PPP3CC: variants seen among roughly 807,000 people sequenced by gnomAD.
PPP3CC encodes the protein protein phosphatase 3 catalytic subunit gamma.
PPP3CC carries 35 observed loss-of-function variants against 60.3 expected under a neutral mutation model. That is an observed-to-expected ratio of 0.58 (90% CI 0.44 to 0.77). The LOEUF (loss-of-function observed/expected upper bound fraction) is 0.77. Among genes scored for constraint, PPP3CC ranks in the 30% least tolerant of loss-of-function variants. The pLI, the probability that PPP3CC is intolerant of heterozygous loss-of-function variation, is 0.00. For missense variants in PPP3CC, 570 were observed against 628.9 expected (o/e 0.91, Z 1.00); for synonymous variants, 206 against 224.3 (o/e 0.92, Z 0.73).
chr8:22,494,628 A>G (rs1838509509), intron 3 of PPP3CC, among the ~76,000 whole-genome samples: 1 of 152,208 alleles, frequency 6.6e-6, no homozygotes, highest in African/African-American at 2.4e-5. Flanking sequence ...TGTAAACTCA[A>G]AATCAATACA....
At chr8:22,525,546 C>CTTTCTT (rs1839534584) in intron 8 of PPP3CC, among the ~76,000 whole-genome samples, 1 of 121,238 alleles carries the variant, frequency 8.2e-6, no homozygotes, top group Non-Finnish European at 1.9e-5. Context: ...TTCTCTCCCT[C>CTTTCTT]TCTCTCTCTC....
At chr8:22,530,829 C>CAAACAAAAAAAAAAAAAAA (rs1839691242) in intron 10 of PPP3CC, among the ~76,000 whole-genome samples, 1 of 58,036 alleles carries the variant, frequency 1.7e-5, no homozygotes, top group African/African-American at 5.2e-5. Flanking sequence ...AGACTCATCT[C>CAAACAAAAAAAAAAAAAAA]AAAAAAAAAA....
In PPP3CC at chr8:22,449,698, G is replaced by T. The variant is rs1399843368; in HGVS notation, c.49+8240G>T. Among the ~76,000 whole-genome samples, 3 of 151,858 alleles carry T rather than the reference G, an allele frequency of 2.0e-5. No homozygotes were observed. In the East Asian group the frequency reaches 5.8e-4, roughly 29 times the overall value. ...AGAAGTCAGTATGGAGAAAGAAAAG[G>T]TACTTAACTAAGAAGTAGAGAGAAG... On this transcript the variant is annotated intron_variant, in intron 1 of 13. Coordinates refer to ENST00000240139, the MANE Select transcript of PPP3CC (RefSeq NM_005605.5).
chr8:22,479,848 A>G (rs1185425140), intron 3 of PPP3CC, among the ~76,000 whole-genome samples: 1 of 152,102 alleles, frequency 6.6e-6, no homozygotes, highest in Non-Finnish European at 1.5e-5. Flanking sequence ...GTTAGGTTTT[A>G]TGAGAAAGAA....
chr8:22,444,894 A>G (rs1836778268), intron 1 of PPP3CC, among the ~76,000 whole-genome samples: 1 of 151,994 alleles, frequency 6.6e-6, no homozygotes, highest in Non-Finnish European at 1.5e-5. Flanking sequence ...CTGTTTAAGG[A>G]CATGTTTTTT....
In PPP3CC at chr8:22,540,900, C is replaced by T. The variant is rs942114000; in HGVS notation, c.*98C>T. 6 of 1,137,938 alleles carry T rather than the reference C, an allele frequency of 5.3e-6. No homozygotes were observed. The highest frequency in any genetic ancestry group is 1.6e-5 in the African/African-American group (1 of 63,286). The allele number at this position is 1,137,938 out of a possible 1,614,324, so 70.5% of individuals were successfully genotyped here. A position where few individuals can be genotyped will look rare whatever the true frequency, so the allele number is the denominator to read the frequency against. The stretch of plus-strand genomic sequence containing the variant: ...GAAAAGCAACTCAAAACAACTTCAA[C>T]GTGGAGGTGCATTTATAATTCAGTC... On this transcript the variant is annotated 3_prime_UTR_variant, in exon 14 of 14. Transcript: ENST00000240139.
chr8:22,476,680 C>A (rs979012786), intron 3 of PPP3CC, among the ~76,000 whole-genome samples: 1 of 152,118 alleles, frequency 6.6e-6, no homozygotes, highest in African/African-American at 2.4e-5. Flanking sequence ...CGCCTGTAAT[C>A]CCAGCACTTT....
chr8:22,491,664 C>T (rs2132500151), intron 3 of PPP3CC, among the ~76,000 whole-genome samples: 1 of 152,214 alleles, frequency 6.6e-6, no homozygotes, highest in Admixed American at 6.5e-5. Context: ...TTTAAGAATT[C>T]TCTTTAACCC....
chr8:22,475,596 A>G lies in PPP3CC; in HGVS notation c.344A>G (p.Tyr115Cys), dbSNP rs1457119483. 1.2e-6 allele frequency: 2 copies of G among 1,613,400 alleles called. No homozygotes were observed. The highest frequency in any genetic ancestry group is 1.7e-6 in the Non-Finnish European group (2 of 1,179,470). Residue 115 changes from tyrosine to cysteine, a missense_variant, in exon 3 of 14, where the codon TAT becomes TGT. Transcript: ENST00000240139. ...ACACGCTACCTCTTTCTGGGTGACTATGTGGACAGAGGCTATTTCAGTATA... is the reference window on the plus strand; with the variant it reads ...ACACGCTACCTCTTTCTGGGTGACTGTGTGGACAGAGGCTATTTCAGTATA... Reference protein sequence around the residue: ...SNTRYLFLGDYVDRGYFSIEC... With the variant: ...SNTRYLFLGDCVDRGYFSIEC...
At chr8:22,525,491 C>CTTCTTTCT (rs199717558) in intron 8 of PPP3CC, among the ~76,000 whole-genome samples, 5,835 of 128,518 alleles carry the variant, frequency 0.045, 206 homozygotes, top group South Asian at 0.066. Flanking sequence ...GCTTCCTTTT[C>CTTCTTTCT]TTCTTTCTTT....
rs1329690914 is a variant in PPP3CC at position 22,532,253 on chromosome 8, C to T, written c.1170C>T (p.Ile390=). 3 of 1,612,836 alleles carry T rather than the reference C, an allele frequency of 1.9e-6. No homozygotes were observed. The highest frequency in any genetic ancestry group is 1.3e-5 in the African/African-American group (1 of 74,888). The change falls in exon 11 of 14, where the codon ATC becomes ATT. Residue 390 remains isoleucine (I), a synonymous_variant. Coordinates refer to ENST00000240139, the MANE Select transcript of PPP3CC (RefSeq NM_005605.5). The part of the protein sequence containing the change: ...EGSTTVRKEI[I]RNKIRAIGKM... The stretch of plus-strand genomic sequence containing the variant: ...GCACTACAGTTCGTAAGGAGATCAT[C>T]AGGAATAAGATCAGAGCCATTGGGA...
chr8:22,530,251 C>T (rs916519490), intron 10 of PPP3CC, among the ~76,000 whole-genome samples: 2 of 151,938 alleles, frequency 1.3e-5, no homozygotes, highest in African/African-American at 2.4e-5. Context: ...AAAGAAAAAC[C>T]GAATATCCCC....
chr8:22,524,153 G>A (rs1839479937), intron 8 of PPP3CC, among the ~76,000 whole-genome samples: 1 of 152,178 alleles, frequency 6.6e-6, no homozygotes, highest in South Asian at 2.1e-4. Flanking sequence ...TATTGTACCT[G>A]ATGTGATAAT....
chr8:22,476,369 A>G (rs752731973), intron 3 of PPP3CC, among the ~76,000 whole-genome samples: 20 of 152,204 alleles, frequency 1.3e-4, no homozygotes, highest in Non-Finnish European at 2.5e-4. Flanking sequence ...GTGACCAAGA[A>G]TAAGCATGAG....
chr8:22,457,101 C>G (rs1837225850), intron 1 of PPP3CC, among the ~76,000 whole-genome samples: 1 of 141,996 alleles, frequency 7.0e-6, no homozygotes, highest in Admixed American at 7.2e-5. Flanking sequence ...TTCCCTCCTT[C>G]CCCCTCCATC....
intron 1 of PPP3CC, among the ~76,000 whole-genome samples, chr8:22,451,170 C>T (rs1038719756): frequency 6.7e-6 from 1 of 148,356 alleles, no homozygotes; most frequent in Non-Finnish European, 1.5e-5. Flanking sequence ...GAGTCTCACT[C>T]TGTCTCCCAG....
chr8:22,486,789 G>A (rs1165286213), intron 3 of PPP3CC, among the ~76,000 whole-genome samples: 2 of 151,358 alleles, frequency 1.3e-5, no homozygotes, highest in African/African-American at 2.4e-5. Context: ...GAGTACAGTG[G>A]CACCATCTCG....
chr8:22,495,762 T>G (rs1838558820), intron 3 of PPP3CC, among the ~76,000 whole-genome samples: 1 of 152,148 alleles, frequency 6.6e-6, no homozygotes, highest in Non-Finnish European at 1.5e-5. Flanking sequence ...TTTTACCATG[T>G]TGGCCAGGCT....
intron 3 of PPP3CC, chr8:22,492,567 C>T: frequency 2.4e-6 from 1 of 419,998 alleles, no homozygotes; most frequent in East Asian, 4.5e-5. Context: ...CCGAGACCCC[C>T]AAGCACCAAC....
Sources: gnomAD v4.1 joint callset for allele counts (sites outside exome capture counted in the v4.1 genomes callset) on GRCh38, gnomAD v4.1.1 for gene constraint, MANE v1.5 for transcripts, NCBI Gene and HGNC (gene_info 2026-07-23, HGNC 2026-07-21) for gene names.